VARS1: variants seen among roughly 807,000 people sequenced by gnomAD.
VARS1 encodes valine--tRNA ligase.
VARS1 carries 92 observed loss-of-function variants against 161.0 expected under a neutral mutation model. That is an observed-to-expected ratio of 0.57 (90% CI 0.48 to 0.68). The LOEUF is 0.68. VARS1 is among the 30% of genes least tolerant of loss of function. The pLI, the probability that VARS1 is intolerant of heterozygous loss-of-function variation, is 0.00. For synonymous variants in VARS1, 595 were observed against 682.5 expected, an observed-to-expected ratio of 0.87 and a Z score of 2.00; for missense variants, 1,338 against 1,695.9, an observed-to-expected ratio of 0.79 and a Z score of 3.71.
rs1391496467 is a variant in VARS1, at chr6:31,778,836, A to G, written c.3726+131T>C. 8.0e-7 allele frequency: 1 copy of G among 1,255,236 alleles called. No individual in the cohort carries two copies. 77.8% of individuals were successfully genotyped at this position (1,255,236 alleles called of 1,614,324 possible). ...TGTTTTTTAAGGCTAGTGGGAGTGG[A>G]GAAGGAACAAAGAAATCTGTAACTG... is the stretch of plus-strand genomic sequence containing the variant. On this transcript the variant is annotated intron_variant, in intron 29 of 29. Coordinates refer to ENST00000375663, the MANE Select transcript of VARS1 (RefSeq NM_006295.3). The surrounding 1 kb of genome is among the most constrained non-coding windows in gnomAD (Gnocchi z 5.1).
chr6:31,782,441 C>T lies in VARS1; in HGVS notation c.1994G>A (p.Arg665Gln), dbSNP rs752333918. The change falls in exon 17 of 30, where the codon CGG (arginine) becomes CAG (glutamine). Residue 665 changes from arginine (R) to glutamine (Q), a missense_variant and splice_region_variant. Physicochemically the swap from Arg to Gln is conservative, Grantham distance 43. Coordinates refer to ENST00000375663, the MANE Select transcript of VARS1 (RefSeq NM_006295.3). This position sits in a 1 kb window ranked among gnomAD's most constrained non-coding sequence, Gnocchi z 8.3. Reference sequence around the variant, plus strand: ...CAGAGGCTCTACCACGTCCTTCGACCGGCTGGGGGTACACGTAGGTGAGAA... The same window carrying T: ...CAGAGGCTCTACCACGTCCTTCGACTGGCTGGGGGTACACGTAGGTGAGAA... ...DNPMVVPLCN[R>Q]SKDVVEPLLR... 6 of 1,611,822 alleles carry T rather than the reference C, an allele frequency of 3.7e-6. No homozygotes were observed. Among genetic ancestry groups the T allele is most frequent in the Non-Finnish European group, 4.2e-6 (5 of 1,179,456 alleles).
In VARS1 at chr6:31,784,822, G is replaced by A; in HGVS notation, c.1348-108C>T. 6.6e-7 allele frequency: 1 copy of A among 1,512,148 alleles called. No individual in the cohort carries two copies. Among genetic ancestry groups the A allele is most frequent in the Non-Finnish European group, 9.0e-7 (1 of 1,110,952 alleles). The allele number at this position is 1,512,148 out of a possible 1,614,324, so 93.7% of individuals were successfully genotyped here. A position where few individuals can be genotyped will look rare whatever the true frequency, so the allele number is the denominator to read the frequency against. ...TGCCCATACAGAGTCCCACTGGCCA[G>A]CACAAAGACCCCTCTGAGGGGAGTA... On this transcript the variant is annotated intron_variant, in intron 10 of 29. Coordinates refer to ENST00000375663, the MANE Select transcript of VARS1 (RefSeq NM_006295.3). This position sits in a 1 kb window ranked among gnomAD's most constrained non-coding sequence, Gnocchi z 6.1.
At position 31,784,589 on chromosome 6, in the gene VARS1, G is replaced by T. The variant is rs1430507364; in HGVS notation, c.1467+6C>A. The T allele has an allele frequency of 6.2e-7, 1 of 1,613,240 alleles. No homozygotes were observed. Among genetic ancestry groups the T allele is most frequent in the Non-Finnish European group, 8.5e-7 (1 of 1,180,050 alleles). On this transcript the variant is annotated splice_donor_region_variant and intron_variant, in intron 11 of 29. Transcript: ENST00000375663. The surrounding 1 kb of genome is among the most constrained non-coding windows in gnomAD (Gnocchi z 6.1). ...AGATGGAGACAGGCCAGGTTGGGGGGCGCACCTCAATGTCAGAGATGGCGG... is the reference window on the plus strand; with the variant it reads ...AGATGGAGACAGGCCAGGTTGGGGGTCGCACCTCAATGTCAGAGATGGCGG...
chr6:31,788,216 T>C (rs1370758286), intron 8 of VARS1, among the ~76,000 whole-genome samples: 1 of 152,026 alleles, frequency 6.6e-6, no homozygotes, highest in Non-Finnish European at 1.5e-5. Flanking sequence ...TTAACAGAAC[T>C]GTTGGCTGGA....
intron 8 of VARS1, among the ~76,000 whole-genome samples, chr6:31,786,980 C>T (rs1658326871): frequency 6.7e-6 from 1 of 150,158 alleles, no homozygotes; most frequent in Non-Finnish European, 1.5e-5. Context: ...AACCCCAACA[C>T]TTTGGGAGGC....
intron 2 of VARS1, among the ~76,000 whole-genome samples, chr6:31,794,349 C>G (rs560555934): frequency 2.0e-5 from 3 of 152,280 alleles, no homozygotes; most frequent in Admixed American, 2.0e-4. Flanking sequence ...TACACCAAGG[C>G]ACAGGTCTCC....
chr6:31,778,905 C>T lies in VARS1; in HGVS notation c.3726+62G>A. The T allele has an allele frequency of 3.7e-6, 6 of 1,607,148 alleles. No individual in the cohort carries two copies. The highest frequency in any genetic ancestry group is 4.3e-6 in the Non-Finnish European group (5 of 1,175,490). ...TCAACACCACTGCACTCGGACCAGC[C>T]CAGACCAGGGTTTTGATGGAGGAAG... On this transcript the variant is annotated intron_variant, in intron 29 of 29. Coordinates refer to ENST00000375663, the MANE Select transcript of VARS1 (RefSeq NM_006295.3). This position sits in a 1 kb window ranked among gnomAD's most constrained non-coding sequence, Gnocchi z 5.1.
rs910493671 is a variant in VARS1 at position 31,778,770 on chromosome 6, T to C, written c.3726+197A>G. ...GATCCACCCACCTTGGCCTCCCAAA[T>C]TTCTGGGATTACAGGTGTGAGCCAC... On this transcript the variant is annotated intron_variant, in intron 29 of 29. Coordinates refer to ENST00000375663, the MANE Select transcript of VARS1 (RefSeq NM_006295.3). This position sits in a 1 kb window ranked among gnomAD's most constrained non-coding sequence, Gnocchi z 5.1. 3 of 732,262 alleles carry C rather than the reference T, an allele frequency of 4.1e-6. No individual in the cohort carries two copies. In the African/African-American group the frequency reaches 5.4e-5, roughly 13 times the overall value. 45.4% of individuals were successfully genotyped at this position (732,262 alleles called of 1,614,324 possible).
At chr6:31,792,732 C>T (rs1350171184) in intron 4 of VARS1, 25 bp downstream of exon 4, 2 of 1,613,242 alleles carry the variant, frequency 1.2e-6, no homozygotes, top group Admixed American at 3.3e-5. Context: ...AAGCCCCTAT[C>T]CTCCAACTCC....
In VARS1 at chr6:31,782,903, C is replaced by T; in HGVS notation, c.1763-58G>A. 2.5e-6 allele frequency: 4 copies of T among 1,574,566 alleles called. No individual in the cohort carries two copies. The highest frequency in any genetic ancestry group is 3.4e-6 in the Non-Finnish European group (4 of 1,160,012). On this transcript the variant is annotated intron_variant, in intron 14 of 29. Coordinates refer to ENST00000375663, the MANE Select transcript of VARS1 (RefSeq NM_006295.3). This position sits in a 1 kb window ranked among gnomAD's most constrained non-coding sequence, Gnocchi z 8.3. ...GGACTCCACGGAGTTCCTTCCTACA[C>T]TCACCTCTTTTGCTGAAGGATGTAG...
At position 31,781,992 on chromosome 6, in the gene VARS1, C is replaced by A; in HGVS notation, c.2242-40G>T. The A allele has an allele frequency of 5.6e-6, 9 of 1,612,842 alleles. No individual in the cohort carries two copies. The highest frequency in any genetic ancestry group is 7.6e-6 in the Non-Finnish European group (9 of 1,179,702). ...GTGATTACCCAAGGGGGTGTGTCTG[C>A]TTCTGGCTCACCCTGCCCCTCCCCC... On this transcript the variant is annotated intron_variant, in intron 18 of 29. Transcript: ENST00000375663. This position sits in a 1 kb window ranked among gnomAD's most constrained non-coding sequence, Gnocchi z 6.8.
chr6:31,789,279 G>A (rs921286106), intron 8 of VARS1, among the ~76,000 whole-genome samples: 6 of 151,820 alleles, frequency 4.0e-5, no homozygotes, highest in African/African-American at 7.3e-5. Context: ...GAAAAAGAAC[G>A]AAGAATCAAT....
Position 31,782,274 on chromosome 6 carries a change from A to C in VARS1, c.2150+11T>G. On this transcript the variant is annotated intron_variant, in intron 17 of 29. Coordinates refer to ENST00000375663, the MANE Select transcript of VARS1 (RefSeq NM_006295.3). The surrounding 1 kb of genome is among the most constrained non-coding windows in gnomAD (Gnocchi z 8.3). ...TCGGCAAGCCCCTCCCACACTGAGG[A>C]CCCTACACACCGGATGTTGTCCATC... The C allele has an allele frequency of 1.2e-6, 2 of 1,611,684 alleles. No individual in the cohort carries two copies. The highest frequency in any genetic ancestry group is 1.7e-6 in the Non-Finnish European group (2 of 1,178,926).
At chr6:31,786,905 T>C (rs1288485825) in intron 8 of VARS1, among the ~76,000 whole-genome samples, 1 of 151,766 alleles carries the variant, frequency 6.6e-6, no homozygotes, top group African/African-American at 2.4e-5. Flanking sequence ...CCCTTACCAA[T>C]AGTCACAAAA....
chr6:31,779,174 G>C lies in VARS1; in HGVS notation c.3519C>G (p.Pro1173=), dbSNP rs1454242905. 5.0e-6 allele frequency: 8 copies of C among 1,605,088 alleles called. No individual in the cohort carries two copies. The highest frequency in any genetic ancestry group is 3.4e-5 in the Admixed American group (2 of 58,238). The change falls in exon 29 of 30, where the codon CCC becomes CCG. Residue 1173 remains proline, a synonymous_variant. Transcript: ENST00000375663. This position sits in a 1 kb window ranked among gnomAD's most constrained non-coding sequence, Gnocchi z 9.1. The part of the protein sequence containing the change: ...VAVLALGAPA[P]QGCAVALASD... ...AAGCCAGAGCCACAGCGCAACCCTG[G>C]GGGGCGGGAGCCCCCAGGGCCAGAA...
At position 31,782,018 on chromosome 6, in the gene VARS1, C is replaced by CA. The variant is rs1314451169; in HGVS notation, c.2242-67dup. On this transcript the variant is annotated intron_variant, in intron 18 of 29. Coordinates refer to ENST00000375663, the MANE Select transcript of VARS1 (RefSeq NM_006295.3). This position sits in a 1 kb window ranked among gnomAD's most constrained non-coding sequence, Gnocchi z 8.3. ...TTCTGGCTCACCCTGCCCCTCCCCCCACCAAGGACCCAGTAAACCCACCAC... is the reference window on the plus strand; with the variant it reads ...TTCTGGCTCACCCTGCCCCTCCCCCCAACCAAGGACCCAGTAAACCCACCAC... The CA allele has an allele frequency of 6.2e-7, 1 of 1,612,354 alleles. No individual in the cohort carries two copies. Among genetic ancestry groups the CA allele is most frequent in the Non-Finnish European group, 8.5e-7 (1 of 1,179,262 alleles).
Position 31,793,093 on chromosome 6 carries a change from G to A in VARS1, c.415C>T (p.Leu139=), listed in dbSNP as rs1814002614. The change falls in exon 3 of 30, where the codon CTG becomes TTG. Residue 139 remains leucine (L), a synonymous_variant. Coordinates refer to ENST00000375663, the MANE Select transcript of VARS1 (RefSeq NM_006295.3). ...CGAAGCCACTCCTCCAAGGGGCTCAGGGCCCTGCCCAGGGCCCCCAGCACA... is the reference window on the plus strand; with the variant it reads ...CGAAGCCACTCCTCCAAGGGGCTCAAGGCCCTGCCCAGGGCCCCCAGCACA... ...QAVLGALGRA[L]SPLEEWLRLH... is the part of the protein sequence containing the mutation. The A allele has an allele frequency of 6.2e-7, 1 of 1,609,986 alleles. No individual in the cohort carries two copies.
At position 31,792,412 on chromosome 6, in the gene VARS1, G is replaced by C. The variant is rs1268927101; in HGVS notation, c.766C>G (p.Gln256Glu). 6.2e-7 allele frequency: 1 copy of C among 1,613,850 alleles called. No homozygotes were observed. Among genetic ancestry groups the C allele is most frequent in the East Asian group, 2.2e-5 (1 of 44,868 alleles). The stretch of plus-strand genomic sequence containing the variant: ...CTCACCTCCCCTGGAGGTGGCTGCT[G>C]CTGTTGGATCTTCTGCTTCTGTTGG... Reference protein sequence around the residue: ...KFQQKQKIQQQQPPPGEKKPK... With the variant: ...KFQQKQKIQQEQPPPGEKKPK... Residue 256 changes from glutamine (Q) to glutamate (E), a missense_variant, in exon 5 of 30, where the codon CAG becomes GAG. Physicochemically the swap from Gln to Glu is conservative, Grantham distance 29. Around this residue, in one of 3 missense-constraint regions of VARS1, gnomAD observed 902 missense variants for 1,090.3 expected, o/e 0.83. Transcript: ENST00000375663.
At position 31,778,235 on chromosome 6, in the gene VARS1, C is replaced by T. The variant is rs538498015; in HGVS notation, c.3727-573G>A. 6 of 156,380 alleles carry T rather than the reference C, an allele frequency of 3.8e-5. No individual in the cohort carries two copies. The highest frequency in any genetic ancestry group is 1.4e-4 in the African/African-American group (6 of 41,580). The allele number at this position is 156,380 out of a possible 1,614,324, so 9.7% of individuals were successfully genotyped here. ...AGGGCTCCCCGACTACATGTGGACC[C>T]CAAGCCCAGCCCCAGGCATGCAGGT... On this transcript the variant is annotated intron_variant, in intron 29 of 29. Coordinates refer to ENST00000375663, the MANE Select transcript of VARS1 (RefSeq NM_006295.3). The surrounding 1 kb of genome is among the most constrained non-coding windows in gnomAD (Gnocchi z 5.1).
Sources: gnomAD v4.1 joint callset for allele counts (sites outside exome capture counted in the v4.1 genomes callset) on GRCh38, gnomAD v4.1.1 for gene constraint, gnomAD v4.1.1 regional missense constraint, Gnocchi (gnomAD v3.1) non-coding constraint, MANE v1.5 for transcripts, NCBI Gene and HGNC (gene_info 2026-07-23, HGNC 2026-07-21) for gene names.